The following RPS6KC1 variants were observed in gnomAD, a reference collection of about 807,000 sequenced individuals.
The protein encoded by RPS6KC1 is ribosomal protein S6 kinase C1, also known as inactive ribosomal protein S6 kinase delta-1.
RPS6KC1 carries 54 observed loss-of-function variants against 103.8 expected under a neutral mutation model. The observed-to-expected ratio is 0.52, with a 90% CI of 0.42 to 0.65. RPS6KC1 has a LOEUF of 0.65. Among genes scored for constraint, RPS6KC1 ranks in the 30% least tolerant of loss-of-function variants. The probability of loss-of-function intolerance (pLI) is 0.00; values close to 1 mark genes in which losing one functional copy is unlikely to be tolerated. For missense variants in RPS6KC1, 1,151 were observed against 1,253.8 expected (o/e 0.92, Z 1.24); for synonymous variants, 439 against 438.7 (o/e 1.00, Z -0.01).
At chr1:213,222,837 C>T (rs1025385139) in intron 8 of RPS6KC1, among the ~76,000 whole-genome samples, 1 of 152,126 alleles carries the variant, frequency 6.6e-6, no homozygotes, top group South Asian at 2.1e-4. Context: ...TTTTAATGCT[C>T]TAGGTTTGTT....
At chr1:213,320,759 A>G in the RPS6KC1 span, among the ~76,000 whole-genome samples, 1 of 152,150 alleles carries the variant, frequency 6.6e-6, no homozygotes, top group Non-Finnish European at 1.5e-5. Flanking sequence ...GAAATGGGAG[A>G]CTTCTGGGGA....
At chr1:213,618,995 A>G in the RPS6KC1 span, among the ~76,000 whole-genome samples, 1 of 152,222 alleles carries the variant, frequency 6.6e-6, no homozygotes, top group Admixed American at 6.5e-5. Flanking sequence ...AGAAGAGAGC[A>G]AGGACATATA....
the RPS6KC1 span, among the ~76,000 whole-genome samples, chr1:213,596,724 T>C: frequency 1.3e-5 from 2 of 152,282 alleles, no homozygotes; most frequent in Admixed American, 1.3e-4. Context: ...TACATTATTT[T>C]CCTCTCATTT....
At chr1:213,541,224 T>G in the RPS6KC1 span, among the ~76,000 whole-genome samples, 36 of 69,930 alleles carry the variant, frequency 5.1e-4, 1 homozygote, top group South Asian at 0.017. Context: ...GCACACAACA[T>G]TTCGCGATTA....
the RPS6KC1 span, among the ~76,000 whole-genome samples, chr1:213,745,607 C>A: frequency 4.6e-5 from 7 of 152,046 alleles, no homozygotes; most frequent in African/African-American, 1.7e-4. Context: ...CCAGCCCCAC[C>A]TCTGTCCCCC....
chr1:213,584,053 G>A, the RPS6KC1 span, among the ~76,000 whole-genome samples: 2 of 151,928 alleles, frequency 1.3e-5, no homozygotes, highest in African/African-American at 4.8e-5. Flanking sequence ...TCATGGGGTG[G>A]TTTCCCCCAT....
At chr1:213,856,131 C>T in the RPS6KC1 span, among the ~76,000 whole-genome samples, 4 of 152,180 alleles carry the variant, frequency 2.6e-5, no homozygotes, top group Non-Finnish European at 4.4e-5. Flanking sequence ...ACAGGGTAAA[C>T]ACTGTCGTCA....
In RPS6KC1 at chr1:213,230,451, G is replaced by C. The variant is rs377097324; in HGVS notation, c.1045-46G>C. 9.3e-6 allele frequency: 13 copies of C among 1,394,864 alleles called. No individual in the cohort carries two copies. In the African/African-American group the frequency reaches 1.0e-4, roughly 11 times the overall value. The allele number at this position is 1,394,864 out of a possible 1,614,324, so 86.4% of individuals were successfully genotyped here. ...GTTTAGTTTAAAGCTAAGAGTTAATGTTTCATTGTATTGTTAATAAATTAT... is the reference window on the plus strand; with the variant it reads ...GTTTAGTTTAAAGCTAAGAGTTAATCTTTCATTGTATTGTTAATAAATTAT... On this transcript the variant is annotated intron_variant, in intron 8 of 14. Transcript: ENST00000366960.
chr1:213,199,969 G>C (rs1180976908), intron 8 of RPS6KC1, among the ~76,000 whole-genome samples: 1 of 152,176 alleles, frequency 6.6e-6, no homozygotes, highest in Non-Finnish European at 1.5e-5. Flanking sequence ...GTAAGCCATT[G>C]CTCAAATAAA....
At chr1:213,637,321 T>C in the RPS6KC1 span, among the ~76,000 whole-genome samples, 1 of 151,952 alleles carries the variant, frequency 6.6e-6, no homozygotes, top group Non-Finnish European at 1.5e-5. Context: ...CGTATGTTTA[T>C]TGTGGCACTA....
the RPS6KC1 span, among the ~76,000 whole-genome samples, chr1:213,503,014 G>T: frequency 6.6e-6 from 1 of 152,044 alleles, no homozygotes; most frequent in Non-Finnish European, 1.5e-5. Flanking sequence ...TAGTTATGGT[G>T]TCTGCTTTCC....
At chr1:213,155,323 C>A (rs1301479822) in intron 6 of RPS6KC1, among the ~76,000 whole-genome samples, 1 of 152,086 alleles carries the variant, frequency 6.6e-6, no homozygotes, top group Non-Finnish European at 1.5e-5. Flanking sequence ...TACTAGGACT[C>A]GCCTACAAGT....
Position 213,240,698 on chromosome 1 carries a change from A to G in RPS6KC1, c.1226-4A>G, listed in dbSNP as rs372592333. The G allele has an allele frequency of 6.3e-7, 1 of 1,598,372 alleles. No homozygotes were observed. Among genetic ancestry groups the G allele is most frequent in the African/African-American group, 1.4e-5 (1 of 73,892 alleles). On this transcript the variant is annotated splice_region_variant and splice_polypyrimidine_tract_variant and intron_variant, in intron 10 of 14. Coordinates refer to ENST00000366960, the MANE Select transcript of RPS6KC1 (RefSeq NM_012424.6). ...TTTGTTTGTTTTGTTATACTTGTTC[A>G]CAGGTGGCAAACTGTGGTCATATAT...
the RPS6KC1 span, among the ~76,000 whole-genome samples, chr1:213,383,726 C>G: frequency 3.3e-5 from 5 of 151,970 alleles, no homozygotes; most frequent in Non-Finnish European, 5.9e-5. Flanking sequence ...CACCAGAACA[C>G]TCCTCCCCAC....
At chr1:213,600,642 T>C in the RPS6KC1 span, among the ~76,000 whole-genome samples, 1 of 152,106 alleles carries the variant, frequency 6.6e-6, no homozygotes, top group Admixed American at 6.5e-5. Flanking sequence ...CTCCTGTCTA[T>C]CCCCACCTTA....
At chr1:213,269,164 A>G (rs888028341) in intron 14 of RPS6KC1, among the ~76,000 whole-genome samples, 7 of 152,214 alleles carry the variant, frequency 4.6e-5, no homozygotes, top group African/African-American at 1.7e-4. Flanking sequence ...AAAGAGCTGG[A>G]GTGGCAATAT....
At chr1:213,517,092 A>G in the RPS6KC1 span, among the ~76,000 whole-genome samples, 7 of 151,948 alleles carry the variant, frequency 4.6e-5, no homozygotes, top group African/African-American at 1.7e-4. Context: ...ATCATTTTTT[A>G]TTGCATCTAT....
chr1:213,752,109 T>C, the RPS6KC1 span, among the ~76,000 whole-genome samples: 53 of 152,322 alleles, frequency 3.5e-4, 2 homozygotes, highest in South Asian at 0.011. Context: ...ATTAGATTAT[T>C]TTTGAAAATG....
the RPS6KC1 span, among the ~76,000 whole-genome samples, chr1:213,652,482 C>T: frequency 2.6e-5 from 4 of 152,312 alleles, no homozygotes; most frequent in South Asian, 8.3e-4. Context: ...AACATGGCCA[C>T]AAATTCATAT....
Sources: gnomAD v4.1 joint callset for allele counts (sites outside exome capture counted in the v4.1 genomes callset) on GRCh38, gnomAD v4.1.1 for gene constraint, MANE v1.5 for transcripts, NCBI Gene and HGNC (gene_info 2026-07-23, HGNC 2026-07-21) for gene names.